The following RSPO2 variants were observed in gnomAD, a reference collection of about 807,000 sequenced individuals.
RSPO2 encodes R-spondin-2.
RSPO2 carries 14 observed loss-of-function variants against 30.9 expected under a neutral mutation model. The observed-to-expected ratio is 0.45, with a 90% CI of 0.30 to 0.71. The LOEUF is 0.71. RSPO2 is among the 30% of genes least tolerant of loss of function. The pLI is 0.08. For synonymous variants in RSPO2, 107 were observed against 96.4 expected (o/e 1.11, Z -0.64); for missense variants, 264 against 301.9 (o/e 0.87, Z 0.93).
intron 3 of RSPO2, among the ~76,000 whole-genome samples, chr8:107,973,364 T>C (rs750558671): frequency 1.3e-4 from 20 of 150,480 alleles, no homozygotes; most frequent in Non-Finnish European, 2.5e-4. Flanking sequence ...GTTTTGTCTG[T>C]ATTACATGGT....
chr8:107,909,421 C>G (rs1469545284), intron 5 of RSPO2, among the ~76,000 whole-genome samples: 1 of 151,990 alleles, frequency 6.6e-6, no homozygotes. Flanking sequence ...TGCCACCATG[C>G]CTGGATACTT....
intron 2 of RSPO2, among the ~76,000 whole-genome samples, chr8:108,056,640 A>G (rs1318596665): frequency 6.7e-5 from 10 of 149,636 alleles, no homozygotes; most frequent in South Asian, 6.4e-4. Flanking sequence ...AAAAAAAAAA[A>G]AAAGAAAAGA....
intron 5 of RSPO2, among the ~76,000 whole-genome samples, chr8:107,914,132 G>C (rs1451889339): frequency 6.6e-6 from 1 of 152,074 alleles, no homozygotes; most frequent in Non-Finnish European, 1.5e-5. Flanking sequence ...GACATATAAA[G>C]AGTATCAGTG....
At chr8:108,044,817 C>A (rs764150311) in intron 2 of RSPO2, among the ~76,000 whole-genome samples, 2 of 152,026 alleles carry the variant, frequency 1.3e-5, no homozygotes, top group Admixed American at 6.6e-5. Flanking sequence ...ATTTACACTC[C>A]CATCAGTGTA....
intron 2 of RSPO2, among the ~76,000 whole-genome samples, chr8:107,990,464 A>T: frequency 6.6e-6 from 1 of 152,142 alleles, no homozygotes; most frequent in Non-Finnish European, 1.5e-5. Flanking sequence ...AATTGCTGCA[A>T]AAATAATAAA....
At chr8:107,936,284 T>A (rs962346081) in intron 5 of RSPO2, among the ~76,000 whole-genome samples, 5 of 152,232 alleles carry the variant, frequency 3.3e-5, no homozygotes, top group Admixed American at 1.3e-4. Context: ...TTTCATTTTT[T>A]ATAGCCAAAT....
intron 2 of RSPO2, among the ~76,000 whole-genome samples, chr8:108,041,554 A>C (rs1296046739): frequency 2.6e-5 from 4 of 152,176 alleles, no homozygotes; most frequent in African/African-American, 9.7e-5. Context: ...GCTTTTAAGA[A>C]GACAGTGGGT....
chr8:107,930,601 TA>T (rs2130343631), intron 5 of RSPO2, among the ~76,000 whole-genome samples: 1 of 152,330 alleles, frequency 6.6e-6, no homozygotes, highest in African/African-American at 2.4e-5. Flanking sequence ...CAAAGTTGAA[TA>T]ACACACCAGT....
At chr8:108,039,440 A>G (rs930448110) in intron 2 of RSPO2, among the ~76,000 whole-genome samples, 1 of 152,158 alleles carries the variant, frequency 6.6e-6, no homozygotes, top group Non-Finnish European at 1.5e-5. Flanking sequence ...AGAGAATTCC[A>G]TATCTTACCC....
chr8:108,012,238 G>A (rs1026757864), intron 2 of RSPO2, among the ~76,000 whole-genome samples: 2 of 152,144 alleles, frequency 1.3e-5, no homozygotes, highest in African/African-American at 2.4e-5. Flanking sequence ...TTAAAGTCTT[G>A]CTATACAAAA....
intron 2 of RSPO2, among the ~76,000 whole-genome samples, chr8:108,058,730 A>G (rs1812343589): frequency 6.6e-6 from 1 of 151,904 alleles, no homozygotes; most frequent in African/African-American, 2.4e-5. Flanking sequence ...CAAACCTGAG[A>G]AAAACAAGCA....
chr8:108,065,956 T>G (rs1812652268), intron 2 of RSPO2, among the ~76,000 whole-genome samples: 1 of 152,098 alleles, frequency 6.6e-6, no homozygotes, highest in Admixed American at 6.5e-5. Flanking sequence ...GAGAATCACT[T>G]GAACCCAGGA....
rs1811439872 is a variant in RSPO2, at chr8:107,900,961, A to C, written c.*114T>G. On this transcript the variant is annotated 3_prime_UTR_variant, in exon 6 of 6. Coordinates refer to ENST00000276659, the MANE Select transcript of RSPO2 (RefSeq NM_178565.5). ...GCTTCCTTTCACCATGTTACTGGGAACAGATACTGGGCAGAGCAGCACAAA... is the reference window on the plus strand; with the variant it reads ...GCTTCCTTTCACCATGTTACTGGGACCAGATACTGGGCAGAGCAGCACAAA... 4.6e-6 allele frequency: 5 copies of C among 1,095,214 alleles called. No homozygotes were observed. Among genetic ancestry groups the C allele is most frequent in the Non-Finnish European group, 6.6e-6 (5 of 762,956 alleles). 67.8% of individuals were successfully genotyped at this position (1,095,214 alleles called of 1,614,324 possible). A position where few individuals can be genotyped will look rare whatever the true frequency, so the allele number is the denominator to read the frequency against.
intron 2 of RSPO2, among the ~76,000 whole-genome samples, chr8:108,045,519 G>A (rs147595081): frequency 5.5e-4 from 83 of 151,982 alleles, no homozygotes; most frequent in African/African-American, 1.9e-3. Context: ...TCAAACATTC[G>A]GAGAACATTA....
At chr8:108,045,904 T>C (rs771251653) in intron 2 of RSPO2, among the ~76,000 whole-genome samples, 4 of 152,212 alleles carry the variant, frequency 2.6e-5, no homozygotes, top group African/African-American at 9.6e-5. Flanking sequence ...CTGTGTAATA[T>C]AAAACATAGC....
intron 2 of RSPO2, among the ~76,000 whole-genome samples, chr8:108,028,308 C>A (rs1030619196): frequency 6.6e-6 from 1 of 152,156 alleles, no homozygotes; most frequent in African/African-American, 2.4e-5. Context: ...TGTCCAAATG[C>A]CACCTTCTCT....
chr8:108,040,205 T>A (rs1333743885), intron 2 of RSPO2, among the ~76,000 whole-genome samples: 1 of 152,114 alleles, frequency 6.6e-6, no homozygotes, highest in Non-Finnish European at 1.5e-5. Flanking sequence ...GGAAAATAGA[T>A]AAGGTTGAAG....
At chr8:107,930,683 C>G (rs773770833) in intron 5 of RSPO2, among the ~76,000 whole-genome samples, 7 of 152,210 alleles carry the variant, frequency 4.6e-5, no homozygotes, top group Non-Finnish European at 7.3e-5. Context: ...AATCAATCAT[C>G]TAACTCATGA....
At chr8:108,035,386 C>T (rs1021700804) in intron 2 of RSPO2, among the ~76,000 whole-genome samples, 5 of 152,198 alleles carry the variant, frequency 3.3e-5, no homozygotes, top group African/African-American at 1.2e-4. Flanking sequence ...GTAGTTACCA[C>T]ATCGGTAGCA....
Sources: gnomAD v4.1 joint callset for allele counts (sites outside exome capture counted in the v4.1 genomes callset) on GRCh38, gnomAD v4.1.1 for gene constraint, MANE v1.5 for transcripts, NCBI Gene and HGNC (gene_info 2026-07-23, HGNC 2026-07-21) for gene names.